Variants in CCM2 observed in about 807,000 individuals in gnomAD.
The protein encoded by CCM2 is cerebral cavernous malformations 2 protein.
In CCM2, 25 loss-of-function variants were observed where a neutral mutation model predicts 44.9. The observed-to-expected ratio is 0.56, with a 90% CI of 0.41 to 0.78. The LOEUF is 0.78. Among genes scored for constraint, CCM2 ranks in the 30% least tolerant of loss-of-function variants. The pLI is 0.00. For synonymous variants in CCM2, 219 were observed against 241.1 expected (o/e 0.91, Z 0.85); for missense variants, 481 against 580.6 (o/e 0.83, Z 1.76).
Position 45,000,274 on chromosome 7 carries a change from C to G in CCM2, c.-60C>G. On this transcript the variant is annotated 5_prime_UTR_variant, in exon 1 of 10. Transcript: ENST00000258781. The stretch of plus-strand genomic sequence containing the variant: ...CGGGCCCGGGTCGAGCATGTAGCGG[C>G]TGCTGGCGGCGGGGCTCCCGGGGCG... 2 of 1,121,626 alleles carry G rather than the reference C, an allele frequency of 1.8e-6. No individual in the cohort carries two copies. The highest frequency in any genetic ancestry group is 2.2e-6 in the Non-Finnish European group (2 of 903,530). 69.5% of individuals were successfully genotyped at this position (1,121,626 alleles called of 1,614,324 possible). A position where few individuals can be genotyped will look rare whatever the true frequency, so the allele number is the denominator to read the frequency against.
chr7:45,037,208 C>T (rs1001023979), intron 1 of CCM2, among the ~76,000 whole-genome samples: 21 of 146,802 alleles, frequency 1.4e-4, no homozygotes, highest in Admixed American at 2.1e-4. Flanking sequence ...AGCTTTCTTA[C>T]GGAGTTATTG....
intron 2 of CCM2, among the ~76,000 whole-genome samples, chr7:45,061,440 T>TTTTCTTTC (rs746097344): frequency 6.6e-6 from 1 of 150,388 alleles, no homozygotes; most frequent in Admixed American, 6.7e-5. Flanking sequence ...GGTCATGCCT[T>TTTTCTTTC]TTTCTTTCTT....
intron 1 of CCM2, among the ~76,000 whole-genome samples, chr7:45,030,574 T>G (rs1418285319): frequency 6.6e-6 from 1 of 152,152 alleles, no homozygotes; most frequent in African/African-American, 2.4e-5. Context: ...TGCCTGGAAC[T>G]ACAGGCTAAT....
chr7:45,051,462 G>T (rs1254599247), intron 2 of CCM2, among the ~76,000 whole-genome samples: 1 of 152,020 alleles, frequency 6.6e-6, no homozygotes, highest in Admixed American at 6.6e-5. Context: ...CAGTGGCGTG[G>T]TCTTGGCTCA....
rs191547714 is a variant in CCM2, at chr7:45,027,095, T to C, written c.31-11158T>C. ...GCTGCTGACTCAAACTCATGAGTCC[T>C]GGAGGCAGGTAGAGGCACTTGTAGG... On this transcript the variant is annotated intron_variant, in intron 1 of 9. Transcript: ENST00000258781. 1.9e-4 allele frequency: 31 copies of C among 166,770 alleles called. No individual in the cohort carries two copies. The East Asian group carries it at 4.8e-3, about 26-fold the overall frequency. 10.3% of individuals were successfully genotyped at this position (166,770 alleles called of 1,614,324 possible). A position where few individuals can be genotyped will look rare whatever the true frequency, so the allele number is the denominator to read the frequency against.
At chr7:45,073,630 TGGG>T in intron 8 of CCM2, 59 bp downstream of exon 8, 9 of 976,068 alleles carry the variant, frequency 9.2e-6, no homozygotes, top group Non-Finnish European at 1.4e-5. Context: ...CCAGGGAGGA[TGGG>T]GGGAAGGGGA....
intron 2 of CCM2, among the ~76,000 whole-genome samples, chr7:45,049,624 T>C (rs1430404449): frequency 6.6e-6 from 1 of 152,238 alleles, no homozygotes; most frequent in Admixed American, 6.5e-5. Context: ...CATATTTAAT[T>C]TATTTTCAAC....
chr7:45,073,378 C>T lies in CCM2; in HGVS notation c.804-82C>T, dbSNP rs147910462. The T allele has an allele frequency of 1.9e-3, 1,686 of 864,882 alleles. 3 individuals carry two copies. The highest frequency in any genetic ancestry group is 4.7e-3 in the East Asian group (188 of 39,658). The allele number at this position is 864,882 out of a possible 1,614,324, so 53.6% of individuals were successfully genotyped here. ...GTTCAAGGACAGGGACCCACACACACGGCATGGACTAGGTTTCCTGAAACG... is the reference window on the plus strand; with the variant it reads ...GTTCAAGGACAGGGACCCACACACATGGCATGGACTAGGTTTCCTGAAACG... On this transcript the variant is annotated intron_variant, in intron 7 of 9. Transcript: ENST00000258781.
chr7:45,005,520 T>A (rs1359786910), intron 1 of CCM2, among the ~76,000 whole-genome samples: 1 of 144,746 alleles, frequency 6.9e-6, no homozygotes, highest in Non-Finnish European at 1.5e-5. Context: ...AGTTTTTTCA[T>A]TTCCGTCAGC....
At chr7:45,070,150 C>A in intron 6 of CCM2, 189 bp downstream of exon 6, 1 of 689,626 alleles carries the variant, frequency 1.5e-6, no homozygotes, top group East Asian at 2.8e-5. Context: ...GTCACCTGTC[C>A]TTGAGAGAGT....
At chr7:45,003,418 G>C (rs753460038) in intron 1 of CCM2, among the ~76,000 whole-genome samples, 16 of 152,096 alleles carry the variant, frequency 1.1e-4, no homozygotes, top group Non-Finnish European at 1.3e-4. Flanking sequence ...TGGGTTGTGT[G>C]GATTTTTATA....
At position 45,069,912 on chromosome 7, in the gene CCM2, G is replaced by A. The variant is rs368152116; in HGVS notation, c.696G>A (p.Ala232=). Residue 232 remains alanine (A), a synonymous_variant, in exon 6 of 10, where the codon GCG becomes GCA. Coordinates refer to ENST00000258781, the MANE Select transcript of CCM2 (RefSeq NM_031443.4). The part of the protein sequence containing the change: ...TESTIDFLDR[A]IFDGASTPTH... ...CCACCATCGACTTTCTGGACAGAGC[G>A]ATATTTGATGGGGCCTCTACCCCGA... 2.5e-6 allele frequency: 4 copies of A among 1,614,170 alleles called. No homozygotes were observed. Among genetic ancestry groups the A allele is most frequent in the East Asian group, 2.2e-5 (1 of 44,882 alleles).
At chr7:45,006,656 C>T (rs896022789) in intron 1 of CCM2, among the ~76,000 whole-genome samples, 2 of 152,004 alleles carry the variant, frequency 1.3e-5, no homozygotes, top group African/African-American at 4.8e-5. Context: ...AAGATGGAGT[C>T]TTTAAGGAGG....
chr7:45,073,078 CCG>C, intron 7 of CCM2: 1 of 590,028 alleles, frequency 1.7e-6, no homozygotes, highest in South Asian at 2.0e-5. Context: ...CCCGAGCCTG[CCG>C]AGGCGCTGGC....
At chr7:45,051,858 G>GC (rs1798028031) in intron 2 of CCM2, among the ~76,000 whole-genome samples, 1 of 150,128 alleles carries the variant, frequency 6.7e-6, no homozygotes, top group Non-Finnish European at 1.5e-5. Context: ...ACTGCGCCCG[G>GC]CCACGCCTGG....
intron 2 of CCM2, among the ~76,000 whole-genome samples, chr7:45,042,158 C>G (rs1362212013): frequency 6.7e-6 from 1 of 150,338 alleles, no homozygotes; most frequent in Non-Finnish European, 1.5e-5. Context: ...CCTGTAATCT[C>G]AGGAGGCTGA....
chr7:45,055,497 GC>G (rs1798214554), intron 2 of CCM2, among the ~76,000 whole-genome samples: 1 of 152,140 alleles, frequency 6.6e-6, no homozygotes, highest in South Asian at 2.1e-4. Flanking sequence ...GACCAGCCTG[GC>G]CAAGATGGTG....
chr7:45,000,130 G>C (rs1348025373), upstream of CCM2: 1 of 154,606 alleles, frequency 6.5e-6, no homozygotes, highest in Admixed American at 6.7e-5. Context: ...GCCTGCGCTG[G>C]GGAAGGTGGG....
At chr7:45,065,091 C>G (rs1275803863) in intron 4 of CCM2, among the ~76,000 whole-genome samples, 1 of 152,044 alleles carries the variant, frequency 6.6e-6, no homozygotes, top group African/African-American at 2.4e-5. Context: ...CTCCCAGGAG[C>G]TCTTGGTCAT....
Sources: allele counts gnomAD v4.1 joint callset (sites outside exome capture counted in the v4.1 genomes callset), GRCh38; gene constraint gnomAD v4.1.1; transcripts MANE v1.5; gene names NCBI Gene and HGNC (gene_info 2026-07-23, HGNC 2026-07-21).